COL22A1: variants seen among roughly 807,000 people sequenced by gnomAD.
COL22A1 encodes collagen alpha-1(XXII) chain.
COL22A1 carries 221 observed loss-of-function variants against 248.9 expected under a neutral mutation model. The observed-to-expected ratio is 0.89, with a 90% CI of 0.80 to 0.99. The LOEUF is 0.99. Ranked by LOEUF, COL22A1 falls within the 50% of genes least tolerant of loss-of-function variation. The pLI is 0.00. For synonymous variants in COL22A1, 891 were observed against 793.4 expected, an observed-to-expected ratio of 1.12 and a Z score of -2.07; for missense variants, 2,240 against 2,179.0, an observed-to-expected ratio of 1.03 and a Z score of -0.56.
chr8:138,897,966 G>C (rs62528845), intron 1 of COL22A1, among the ~76,000 whole-genome samples: 94,647 of 151,866 alleles, frequency 0.62, 30,471 homozygotes, highest in East Asian at 0.85. Context: ...GCAAGTGCTT[G>C]CTTTCTGATT....
At chr8:138,902,705 C>CA (rs1272959063) in intron 1 of COL22A1, among the ~76,000 whole-genome samples, 143 of 118,148 alleles carry the variant, frequency 1.2e-3, no homozygotes, top group Middle Eastern at 4.3e-3. Context: ...GACTCCGTCT[C>CA]AAAAAAAAAA....
chr8:138,606,253 C>A, intron 58 of COL22A1, 128 bp downstream of exon 58: 1 of 825,908 alleles, frequency 1.2e-6, no homozygotes. Flanking sequence ...GCAACTTTGA[C>A]CCCACACAGG....
chr8:138,870,931 G>T (rs1411842092), intron 3 of COL22A1, among the ~76,000 whole-genome samples: 1 of 151,760 alleles, frequency 6.6e-6, no homozygotes, highest in Non-Finnish European at 1.5e-5. Flanking sequence ...CGGTGTTTGT[G>T]TGTGTGGGTG....
chr8:138,700,566 A>C (rs1296880646), intron 31 of COL22A1, among the ~76,000 whole-genome samples: 1 of 152,208 alleles, frequency 6.6e-6, no homozygotes, highest in Admixed American at 6.5e-5. Flanking sequence ...GCAGGTGCGT[A>C]GTAGACAAGG....
At chr8:138,908,056 A>G (rs548032174) in intron 1 of COL22A1, among the ~76,000 whole-genome samples, 1 of 152,140 alleles carries the variant, frequency 6.6e-6, no homozygotes, top group Non-Finnish European at 1.5e-5. Flanking sequence ...ACTCCCCCAC[A>G]CAAAGGCTCA....
At chr8:138,742,481 T>TTGATGG (rs1463671767) in intron 22 of COL22A1, among the ~76,000 whole-genome samples, 1 of 146,128 alleles carries the variant, frequency 6.8e-6, no homozygotes, top group South Asian at 2.2e-4. Flanking sequence ...GATGGTGGAG[T>TTGATGG]TGATGGTGAT....
intron 41 of COL22A1, among the ~76,000 whole-genome samples, chr8:138,673,981 C>T (rs1018357817): frequency 3.9e-5 from 6 of 152,196 alleles, no homozygotes; most frequent in African/African-American, 1.4e-4. Flanking sequence ...CATGCAGTCA[C>T]TCAGGGGCTG....
Position 138,720,646 on chromosome 8 carries a change from C to T in COL22A1, c.2355+93G>A, listed in dbSNP as rs144236548. The T allele has an allele frequency of 1.2e-4, 122 of 1,041,118 alleles. No individual in the cohort carries two copies. In the East Asian group the frequency reaches 2.5e-3, roughly 21 times the overall value. The allele number at this position is 1,041,118 out of a possible 1,614,324, so 64.5% of individuals were successfully genotyped here. On this transcript the variant is annotated intron_variant, in intron 27 of 64. Transcript: ENST00000303045. ...CCTGCCAGGTCCCAGCTGATATAGA[C>T]GCTATGCTTATGGTAAGTCGAGATT...
intron 3 of COL22A1, among the ~76,000 whole-genome samples, chr8:138,875,449 C>G (rs1294853814): frequency 6.6e-6 from 1 of 152,150 alleles, no homozygotes; most frequent in Non-Finnish European, 1.5e-5. Context: ...AACAAACAAA[C>G]AAAACAGTGG....
intron 1 of COL22A1, 84 bp from the exon 2 acceptor site, chr8:138,883,328 T>A (rs573857606): frequency 2.8e-6 from 2 of 719,160 alleles, no homozygotes; most frequent in South Asian, 4.0e-5. Context: ...CCAGGGGGAT[T>A]CCCTACACCC....
intron 4 of COL22A1, among the ~76,000 whole-genome samples, chr8:138,835,793 G>T (rs1281923529): frequency 6.6e-6 from 1 of 151,794 alleles, no homozygotes; most frequent in Non-Finnish European, 1.5e-5. Flanking sequence ...CAACCTCTCT[G>T]GGCTTATTTC....
intron 64 of COL22A1, 43 bp downstream of exon 64, chr8:138,591,381 G>A (rs746907734): frequency 1.5e-5 from 22 of 1,464,894 alleles, no homozygotes; most frequent in African/African-American, 2.8e-5. Flanking sequence ...GGGTCTCCAG[G>A]GTAGCTCACA....
intron 2 of COL22A1, among the ~76,000 whole-genome samples, chr8:138,878,804 G>A (rs370194580): frequency 5.9e-5 from 9 of 152,128 alleles, no homozygotes; most frequent in East Asian, 1.9e-4. Context: ...TCAGGAGATC[G>A]AGACCATCCT....
chr8:138,755,253 C>G, intron 20 of COL22A1, 43 bp from the exon 21 acceptor site: 3 of 1,594,628 alleles, frequency 1.9e-6, no homozygotes, highest in Non-Finnish European at 2.6e-6. Flanking sequence ...TGACTTTTCC[C>G]CCATATGATC....
chr8:138,634,997 G>C lies in COL22A1; in HGVS notation c.3609+13C>G. 6.4e-7 allele frequency: 1 copy of C among 1,570,492 alleles called. No individual in the cohort carries two copies. Among genetic ancestry groups the C allele is most frequent in the Non-Finnish European group, 8.8e-7 (1 of 1,140,740 alleles). Reference sequence around the variant, plus strand: ...AAGGCCGAAAGAGGAGGGGATTAAAGATGATTACTTACTGGTGGCCCAGGG... The same window carrying C: ...AAGGCCGAAAGAGGAGGGGATTAAACATGATTACTTACTGGTGGCCCAGGG... On this transcript the variant is annotated intron_variant, in intron 49 of 64. Coordinates refer to ENST00000303045, the MANE Select transcript of COL22A1 (RefSeq NM_152888.3).
Position 138,729,546 on chromosome 8 carries a change from G to A in COL22A1, c.2140-4106C>T, listed in dbSNP as rs1019087418. On this transcript the variant is annotated intron_variant, in intron 23 of 64. Coordinates refer to ENST00000303045, the MANE Select transcript of COL22A1 (RefSeq NM_152888.3). ...CAACTGCCGTAGCCATTTACAGAGAGAGAGAAGCTGGAAGCAGCTGGAAGC... is the reference window on the plus strand; with the variant it reads ...CAACTGCCGTAGCCATTTACAGAGAAAGAGAAGCTGGAAGCAGCTGGAAGC... 5.3e-5 allele frequency among the ~76,000 whole-genome samples: 8 copies of A among 152,348 alleles called. No homozygotes were observed. In the South Asian group the frequency reaches 1.2e-3, roughly 24 times the overall value.
In COL22A1 at chr8:138,883,038, GCT is replaced by G. The variant is rs559564943; in HGVS notation, c.91+42_91+43del. On this transcript the variant is annotated intron_variant, in intron 2 of 64. Coordinates refer to ENST00000303045, the MANE Select transcript of COL22A1 (RefSeq NM_152888.3). ...CCATGCTCACGGACACATGCTGTCT[GCT>G]CTGTCCCCAGCACAGCATGGCACAG... The G allele has an allele frequency of 5.8e-4, 871 of 1,492,156 alleles. 1 individual carries two copies. Among genetic ancestry groups the G allele is most frequent in the Admixed American group, 1.6e-3 (79 of 50,768 alleles). 92.4% of individuals were successfully genotyped at this position (1,492,156 alleles called of 1,614,324 possible).
Position 138,821,217 on chromosome 8 carries a change from T to C in COL22A1, c.1164A>G (p.Leu388=). The C allele has an allele frequency of 6.2e-7, 1 of 1,614,102 alleles. No individual in the cohort carries two copies. Among genetic ancestry groups the C allele is most frequent in the South Asian group, 1.1e-5 (1 of 91,068 alleles). Residue 388 remains leucine, a synonymous_variant, in exon 7 of 65, where the codon CTA becomes CTG. Coordinates refer to ENST00000303045, the MANE Select transcript of COL22A1 (RefSeq NM_152888.3). The part of the protein sequence containing the change: ...LHIDCALVQT[L]PIEERENIDI... ...CAATGTTCTCCCGTTCCTCGATGGG[T>C]AGTGTCTGCACCAGCGCACAGTCAA...
intron 41 of COL22A1, among the ~76,000 whole-genome samples, chr8:138,673,516 G>A (rs142833265): frequency 2.0e-5 from 3 of 152,252 alleles, no homozygotes; most frequent in African/African-American, 7.2e-5. Flanking sequence ...GCCCCAGCCG[G>A]ATCTATCCTT....
Sources: gnomAD v4.1 joint callset for allele counts (sites outside exome capture counted in the v4.1 genomes callset) on GRCh38, gnomAD v4.1.1 for gene constraint, MANE v1.5 for transcripts, NCBI Gene and HGNC (gene_info 2026-07-23, HGNC 2026-07-21) for gene names.